The following TRA2A variants were observed in gnomAD, a reference collection of about 807,000 sequenced individuals.
TRA2A encodes the protein transformer-2 protein homolog alpha.
In TRA2A, 31 loss-of-function variants were observed where a neutral mutation model predicts 45.7. That is an observed-to-expected ratio of 0.68 (90% CI 0.51 to 0.92). The LOEUF (loss-of-function observed/expected upper bound fraction) is 0.92. Ranked by LOEUF, TRA2A falls within the 40% of genes least tolerant of loss-of-function variation. The pLI, the probability that TRA2A is intolerant of heterozygous loss-of-function variation, is 0.00. For missense variants in TRA2A, 304 were observed against 367.5 expected (o/e 0.83, Z 1.41); for synonymous variants, 132 against 126.2 (o/e 1.05, Z -0.31).
At chr7:23,531,720 C>A (rs1790593695) in intron 1 of TRA2A, 69 bp downstream of exon 1, 1 of 1,583,670 alleles carries the variant, frequency 6.3e-7, no homozygotes, top group Non-Finnish European at 8.6e-7. Flanking sequence ...CCCGCCCGAC[C>A]GCGCTTGTTC....
At chr7:23,523,403 C>G (rs1332342578) in intron 1 of TRA2A, among the ~76,000 whole-genome samples, 1 of 152,112 alleles carries the variant, frequency 6.6e-6, no homozygotes, top group Non-Finnish European at 1.5e-5. Context: ...ACAGGATGGA[C>G]AGCTTGGTTT....
intron 1 of TRA2A, chr7:23,522,438 T>G: frequency 8.1e-7 from 1 of 1,231,846 alleles, no homozygotes; most frequent in Non-Finnish European, 1.1e-6. Context: ...TTAACCTTAA[T>G]GGAAAAAGAA....
chr7:23,518,697 T>C (rs2127997116), intron 2 of TRA2A, among the ~76,000 whole-genome samples: 1 of 150,062 alleles, frequency 6.7e-6, no homozygotes, highest in East Asian at 2.0e-4. Flanking sequence ...TTTTCCCCCT[T>C]CTTGAGACAG....
chr7:23,531,352 T>C (rs1665227423), intron 1 of TRA2A: 2 of 633,236 alleles, frequency 3.2e-6, no homozygotes, highest in South Asian at 6.2e-5. Flanking sequence ...CCCCGCGCAC[T>C]TTCGATCCCG....
At chr7:23,529,326 G>A (rs1584149947) in intron 1 of TRA2A, among the ~76,000 whole-genome samples, 1 of 152,092 alleles carries the variant, frequency 6.6e-6, no homozygotes, top group Non-Finnish European at 1.5e-5. Context: ...TGCCTAGACT[G>A]GAGTGTCGTG....
Position 23,522,895 on chromosome 7 carries a change from C to T in TRA2A, c.37-1055G>A, listed in dbSNP as rs537375058. On this transcript the variant is annotated intron_variant, in intron 1 of 7. Transcript: ENST00000297071. ...ATATTTGTACACACCTATCTAAACTCACCCATAGCACATGTCAAGGTTCAA... is the reference window on the plus strand; with the variant it reads ...ATATTTGTACACACCTATCTAAACTTACCCATAGCACATGTCAAGGTTCAA... Among the ~76,000 whole-genome samples, 4 of 152,216 alleles carry T rather than the reference C, an allele frequency of 2.6e-5. No individual in the cohort carries two copies. In the South Asian group the frequency reaches 8.3e-4, roughly 32 times the overall value.
At chr7:23,526,193 A>G (rs1790334294) in intron 1 of TRA2A, among the ~76,000 whole-genome samples, 1 of 152,234 alleles carries the variant, frequency 6.6e-6, no homozygotes, top group Admixed American at 6.5e-5. Context: ...GTCTTTTAAT[A>G]TAGCCTGTGT....
chr7:23,522,842 T>C (rs1790189832), intron 1 of TRA2A, among the ~76,000 whole-genome samples: 1 of 152,104 alleles, frequency 6.6e-6, no homozygotes, highest in Admixed American at 6.6e-5. Flanking sequence ...AATCAAGATA[T>C]AGTTAGAGCA....
intron 1 of TRA2A, among the ~76,000 whole-genome samples, chr7:23,528,409 T>C (rs1790428304): frequency 6.6e-6 from 1 of 152,092 alleles, no homozygotes; most frequent in Non-Finnish European, 1.5e-5. Flanking sequence ...TATTTCACCA[T>C]ATTGGCCAGG....
chr7:23,530,972 G>A (rs1303984508), intron 1 of TRA2A, among the ~76,000 whole-genome samples: 2 of 151,926 alleles, frequency 1.3e-5, no homozygotes, highest in South Asian at 4.2e-4. Context: ...AAAGGTCATA[G>A]GAAGAAGAGC....
chr7:23,524,430 C>T (rs1328217545), intron 1 of TRA2A, among the ~76,000 whole-genome samples: 1 of 152,000 alleles, frequency 6.6e-6, no homozygotes, highest in African/African-American at 2.4e-5. Context: ...GTGATCTGCC[C>T]GCCTCAGCCT....
intron 1 of TRA2A, among the ~76,000 whole-genome samples, chr7:23,526,390 A>C (rs998041547): frequency 6.6e-6 from 1 of 152,218 alleles, no homozygotes; most frequent in Non-Finnish European, 1.5e-5. Flanking sequence ...ACTTACTAAA[A>C]ATGTATTTTC....
chr7:23,524,228 G>T (rs1048976397), intron 1 of TRA2A, among the ~76,000 whole-genome samples: 1 of 152,124 alleles, frequency 6.6e-6, no homozygotes, highest in Non-Finnish European at 1.5e-5. Flanking sequence ...CTGTCACCCA[G>T]GCTGGAGTGT....
intron 1 of TRA2A, 67 bp downstream of exon 1, chr7:23,531,722 C>T: frequency 1.3e-6 from 2 of 1,588,122 alleles, no homozygotes; most frequent in Non-Finnish European, 1.7e-6. Context: ...CGCCCGACCG[C>T]GCTTGTTCCC....
At chr7:23,512,859 AG>A in intron 4 of TRA2A, 34 bp downstream of exon 4, 1 of 1,451,556 alleles carries the variant, frequency 6.9e-7, no homozygotes, top group Non-Finnish European at 9.4e-7. Context: ...ACACTAATTC[AG>A]TACTATAATC....
intron 5 of TRA2A, 63 bp from the exon 6 acceptor site, chr7:23,506,329 C>G (rs1450681833): frequency 4.1e-5 from 59 of 1,426,498 alleles, no homozygotes; most frequent in Non-Finnish European, 5.5e-5. Flanking sequence ...CACTTTAATA[C>G]AAATTGAATG....
At chr7:23,512,722 T>C (rs1584117225) in intron 4 of TRA2A, among the ~76,000 whole-genome samples, 172 bp downstream of exon 4, 1 of 148,894 alleles carries the variant, frequency 6.7e-6, no homozygotes, top group East Asian at 2.0e-4. Flanking sequence ...CCTCCCAAAG[T>C]GCTGGGATTA....
At position 23,505,288 on chromosome 7, in the gene TRA2A, A is replaced by AG. The variant is rs1045348875; in HGVS notation, c.*270_*271insC. On this transcript the variant is annotated 3_prime_UTR_variant, in exon 8 of 8. Coordinates refer to ENST00000297071, the MANE Select transcript of TRA2A (RefSeq NM_013293.5). Reference sequence around the variant, plus strand: ...TAGAAGTTTATCTAGGTAAAAGCAAAAAAAAAAATTTACAAAGCATAACAT... The same window carrying AG: ...TAGAAGTTTATCTAGGTAAAAGCAAAGAAAAAAAATTTACAAAGCATAACAT... The AG allele has an allele frequency of 2.8e-6, 1 of 362,830 alleles. No homozygotes were observed. The highest frequency in any genetic ancestry group is 4.9e-6 in the Non-Finnish European group (1 of 203,912). 22.5% of individuals were successfully genotyped at this position (362,830 alleles called of 1,614,324 possible). A position where few individuals can be genotyped will look rare whatever the true frequency, so the allele number is the denominator to read the frequency against.
At chr7:23,508,678 T>TA (rs1789452535) in intron 4 of TRA2A, among the ~76,000 whole-genome samples, 1 of 152,194 alleles carries the variant, frequency 6.6e-6, no homozygotes, top group African/African-American at 2.4e-5. Flanking sequence ...GTATTTTTAG[T>TA]AGAGATGGGG....
Sources: gnomAD v4.1 joint callset for allele counts (sites outside exome capture counted in the v4.1 genomes callset) on GRCh38, gnomAD v4.1.1 for gene constraint, MANE v1.5 for transcripts, NCBI Gene and HGNC (gene_info 2026-07-23, HGNC 2026-07-21) for gene names.